Variants in CELF1 observed in about 807,000 individuals in gnomAD.
CELF1 encodes 50 kDa nuclear polyadenylated RNA-binding protein.
A neutral mutation model predicts 61.8 loss-of-function variants in CELF1; 10 were observed. The ratio of observed to expected loss-of-function variants is 0.16; its 90% CI spans 0.10 to 0.27. CELF1 has a LOEUF of 0.27. Ranked by LOEUF, CELF1 falls within the 10% of genes least tolerant of loss-of-function variation. CELF1 has a pLI of 1.00. For missense variants in CELF1, 380 were observed against 639.1 expected (o/e 0.59, Z 4.37); for synonymous variants, 236 against 225.1 (o/e 1.05, Z -0.43).
chr11:47,492,527 C>CGA (rs2091934205), intron 3 of CELF1, among the ~76,000 whole-genome samples: 1 of 152,074 alleles, frequency 6.6e-6, no homozygotes, highest in Non-Finnish European at 1.5e-5. Context: ...GTCAGGAGTT[C>CGA]GAGACCACCC....
rs1301986478 is a variant in CELF1, at chr11:47,470,398, G to A, written c.*1832C>T. 6.6e-6 allele frequency: 1 copy of A among 151,518 alleles called. No homozygotes were observed. Among genetic ancestry groups the A allele is most frequent in the African/African-American group, 2.4e-5 (1 of 41,190 alleles). 9.4% of individuals were successfully genotyped at this position (151,518 alleles called of 1,614,324 possible). A position where few individuals can be genotyped will look rare whatever the true frequency, so the allele number is the denominator to read the frequency against. On this transcript the variant is annotated 3_prime_UTR_variant, in exon 15 of 15. Coordinates refer to ENST00000687097, the MANE Select transcript of CELF1 (RefSeq NM_001376376.1). Reference sequence around the variant, plus strand: ...GAACAGTTTTATCCTTTGAAACACAGGACACATTTCTCCCAGTGCGCAGAA... The same window carrying A: ...GAACAGTTTTATCCTTTGAAACACAAGACACATTTCTCCCAGTGCGCAGAA...
chr11:47,520,718 G>A (rs1306396608), intron 1 of CELF1, among the ~76,000 whole-genome samples: 2 of 152,022 alleles, frequency 1.3e-5, no homozygotes, highest in African/African-American at 4.8e-5. Context: ...AGGCTGAGGT[G>A]GGAGGATCAC....
Position 47,478,956 on chromosome 11 carries a change from G to A in CELF1, c.769-4C>T. On this transcript the variant is annotated splice_region_variant and splice_polypyrimidine_tract_variant and intron_variant, in intron 9 of 14. Transcript: ENST00000687097. ...GCTGAAGGAGCTGCAAATAAAGCTA[G>A]ACATTACACCAAAAAACAGAACAAG... The A allele has an allele frequency of 6.2e-7, 1 of 1,609,678 alleles. No individual in the cohort carries two copies. The highest frequency in any genetic ancestry group is 8.5e-7 in the Non-Finnish European group (1 of 1,177,816).
chr11:47,495,837 G>A (rs1255304206), intron 3 of CELF1: 1 of 292,392 alleles, frequency 3.4e-6, no homozygotes, highest in Non-Finnish European at 5.1e-6. Flanking sequence ...AACGGGACCT[G>A]TTTAAAAATA....
At chr11:47,520,748 T>C (rs1410488430) in intron 1 of CELF1, among the ~76,000 whole-genome samples, 1 of 151,994 alleles carries the variant, frequency 6.6e-6, no homozygotes, top group African/African-American at 2.4e-5. Context: ...GGAGCAGAGG[T>C]TGTGGTGAGC....
In CELF1 at chr11:47,511,139, T is replaced by C. The variant is rs2095121845; in HGVS notation, c.-153-10207A>G. Among the ~76,000 whole-genome samples the C allele has an allele frequency of 2.6e-5, 4 of 152,192 alleles. No homozygotes were observed. In the South Asian group the frequency reaches 8.3e-4, roughly 32 times the overall value. On this transcript the variant is annotated intron_variant, in intron 1 of 14. Transcript: ENST00000687097. The stretch of plus-strand genomic sequence containing the variant: ...AGGTCGAGGCTGCAGTGAGCTGTGA[T>C]GGCACCACTGCACTCCAGCCTAGGC...
chr11:47,503,088 T>C (rs2094125335), intron 1 of CELF1, among the ~76,000 whole-genome samples: 1 of 152,198 alleles, frequency 6.6e-6, no homozygotes, highest in South Asian at 2.1e-4. Flanking sequence ...ATTCAAAGCC[T>C]GATTAAGTGA....
chr11:47,505,438 G>A (rs1279753078), intron 1 of CELF1, among the ~76,000 whole-genome samples: 1 of 150,708 alleles, frequency 6.6e-6, no homozygotes, highest in African/African-American at 2.4e-5. Context: ...AGACCACCCT[G>A]GTTAACACGG....
intron 11 of CELF1, 139 bp downstream of exon 11, chr11:47,477,158 G>A: frequency 9.9e-7 from 1 of 1,011,584 alleles, no homozygotes; most frequent in Non-Finnish European, 1.5e-6. Flanking sequence ...TACAAAAGAT[G>A]ACATTTGAAA....
chr11:47,485,449 G>C (rs2086174695), intron 6 of CELF1, among the ~76,000 whole-genome samples: 1 of 152,180 alleles, frequency 6.6e-6, no homozygotes, highest in Non-Finnish European at 1.5e-5. Flanking sequence ...GTGATTACAG[G>C]TGTGCGCCAC....
At chr11:47,545,833 T>G (rs920984311) in intron 1 of CELF1, among the ~76,000 whole-genome samples, 1 of 150,514 alleles carries the variant, frequency 6.6e-6, no homozygotes, top group Non-Finnish European at 1.5e-5. Flanking sequence ...GCCCAGCCCC[T>G]CTCTCTCATA....
chr11:47,468,694 A>G lies in CELF1; in HGVS notation c.*3536T>C, dbSNP rs957016174. On this transcript the variant is annotated 3_prime_UTR_variant, in exon 15 of 15. Coordinates refer to ENST00000687097, the MANE Select transcript of CELF1 (RefSeq NM_001376376.1). ...AACCAATTTGGCAGCACAAAAGGAA[A>G]AAAAAAGGAAAGAAAAAAAGAAAAA... 2 of 152,588 alleles carry G rather than the reference A, an allele frequency of 1.3e-5. No individual in the cohort carries two copies. The highest frequency in any genetic ancestry group is 4.8e-5 in the African/African-American group (2 of 41,452). The allele number at this position is 152,588 out of a possible 1,614,324, so 9.5% of individuals were successfully genotyped here. A position where few individuals can be genotyped will look rare whatever the true frequency, so the allele number is the denominator to read the frequency against.
At chr11:47,516,080 G>C (rs2095537326) in intron 1 of CELF1, among the ~76,000 whole-genome samples, 1 of 150,104 alleles carries the variant, frequency 6.7e-6, no homozygotes, top group African/African-American at 2.4e-5. Context: ...GCAGGCGCCT[G>C]TAATCCCAGC....
At position 47,469,495 on chromosome 11, in the gene CELF1, G is replaced by T. The variant is rs781319608; in HGVS notation, c.*2735C>A. On this transcript the variant is annotated 3_prime_UTR_variant, in exon 15 of 15. Transcript: ENST00000687097. ...AGTGAAACCTTCACACAACAGAAAA[G>T]GATTGCTTAAGACTTGACAGCGAGT... The T allele has an allele frequency of 1.3e-5, 2 of 152,276 alleles. No homozygotes were observed. Among genetic ancestry groups the T allele is most frequent in the Non-Finnish European group, 2.9e-5 (2 of 68,060 alleles). 9.4% of individuals were successfully genotyped at this position (152,276 alleles called of 1,614,324 possible). A position where few individuals can be genotyped will look rare whatever the true frequency, so the allele number is the denominator to read the frequency against.
intron 1 of CELF1, among the ~76,000 whole-genome samples, chr11:47,547,760 A>C (rs1000155685): frequency 4.6e-5 from 7 of 152,202 alleles, no homozygotes; most frequent in Non-Finnish European, 7.3e-5. Flanking sequence ...CGCTAAGTGA[A>C]ATAAGCCAGA....
chr11:47,502,928 A>G (rs1164755875), intron 1 of CELF1, among the ~76,000 whole-genome samples: 2 of 152,224 alleles, frequency 1.3e-5, no homozygotes, highest in Non-Finnish European at 2.9e-5. Flanking sequence ...GTCTGCTGCA[A>G]AAGAAGGCCT....
intron 1 of CELF1, among the ~76,000 whole-genome samples, chr11:47,530,929 C>T (rs1394332488): frequency 6.6e-6 from 1 of 152,006 alleles, no homozygotes; most frequent in Non-Finnish European, 1.5e-5. Flanking sequence ...CACTCCAAGC[C>T]TGGGCGACAA....
At chr11:47,556,749 T>C (rs1306067336), upstream of CELF1, among the ~76,000 whole-genome samples, 1 of 152,116 alleles carries the variant, frequency 6.6e-6, no homozygotes, top group Non-Finnish European at 1.5e-5. Context: ...CATGGTGGCA[T>C]GTACATCTGC....
At chr11:47,488,716 G>T in intron 4 of CELF1, 121 bp downstream of exon 4, 3 of 677,638 alleles carry the variant, frequency 4.4e-6, no homozygotes, top group Non-Finnish European at 6.9e-6. Context: ...CAGAGAGAAT[G>T]CACATGAAAG....
Sources: gnomAD v4.1 joint callset for allele counts (sites outside exome capture counted in the v4.1 genomes callset) on GRCh38, gnomAD v4.1.1 for gene constraint, MANE v1.5 for transcripts, NCBI Gene and HGNC (gene_info 2026-07-23, HGNC 2026-07-21) for gene names.